LRP1B: variants seen among roughly 807,000 people sequenced by gnomAD.
LRP1B encodes the protein LDL receptor related protein 1B, also known as low-density lipoprotein receptor-related protein 1B.
Under a neutral mutation model 556.6 loss-of-function variants are expected in LRP1B, and 217 were observed. The observed-to-expected ratio is 0.39, with a 90% CI of 0.35 to 0.44. The LOEUF is 0.44. LRP1B is among the 20% of genes least tolerant of loss of function. The pLI is 1.00. For synonymous variants in LRP1B, 2,047 were observed against 1,865.8 expected, an observed-to-expected ratio of 1.10 and a Z score of -2.50; for missense variants, 5,053 against 5,620.8, an observed-to-expected ratio of 0.90 and a Z score of 3.23.
chr2:140,401,098 A>G (rs1684477875), intron 66 of LRP1B, among the ~76,000 whole-genome samples: 1 of 152,132 alleles, frequency 6.6e-6, no homozygotes, highest in Non-Finnish European at 1.5e-5. Flanking sequence ...GAATTTGGTA[A>G]TGTAACCTTG....
At chr2:141,974,971 ATTT>A (rs1050099577) in intron 1 of LRP1B, among the ~76,000 whole-genome samples, 2 of 151,846 alleles carry the variant, frequency 1.3e-5, no homozygotes, top group African/African-American at 4.8e-5. Context: ...TTGCACATCC[ATTT>A]TTTTATTTTA....
At chr2:141,826,354 G>GTTTTTTTT (rs70994454) in intron 1 of LRP1B, among the ~76,000 whole-genome samples, 2 of 97,086 alleles carry the variant, frequency 2.1e-5, no homozygotes, top group Admixed American at 1.4e-4. Flanking sequence ...CTTTTCAGAA[G>GTTTTTTTT]TTTTTTTTTT....
chr2:140,676,854 A>G (rs1488492691), intron 41 of LRP1B, among the ~76,000 whole-genome samples: 4 of 152,236 alleles, frequency 2.6e-5, no homozygotes, highest in Non-Finnish European at 5.9e-5. Flanking sequence ...ACAAATATTT[A>G]TTGTGTACCT....
At chr2:141,929,669 C>T (rs966279336) in intron 1 of LRP1B, among the ~76,000 whole-genome samples, 1 of 151,882 alleles carries the variant, frequency 6.6e-6, no homozygotes, top group Non-Finnish European at 1.5e-5. Flanking sequence ...ATGCTATAAA[C>T]TAAAAATTCC....
intron 1 of LRP1B, among the ~76,000 whole-genome samples, chr2:141,909,332 G>A (rs1461455619): frequency 6.6e-6 from 1 of 151,934 alleles, no homozygotes; most frequent in Non-Finnish European, 1.5e-5. Context: ...AGTAAACTTC[G>A]AGACCTAGAA....
chr2:140,425,571 T>C (rs370042610), intron 66 of LRP1B, among the ~76,000 whole-genome samples: 2 of 152,102 alleles, frequency 1.3e-5, no homozygotes, highest in South Asian at 4.1e-4. Context: ...CAACCACACC[T>C]GGCTAATTTT....
chr2:141,613,559 T>C (rs530859155), intron 2 of LRP1B, among the ~76,000 whole-genome samples: 76 of 152,288 alleles, frequency 5.0e-4, no homozygotes, highest in Middle Eastern at 3.4e-3. Flanking sequence ...TGTACTCTTA[T>C]TGAACACCTA....
chr2:140,950,310 C>G lies in LRP1B; in HGVS notation c.3061G>C (p.Gly1021Arg). 6.2e-7 allele frequency: 1 copy of G among 1,613,028 alleles called. No individual in the cohort carries two copies. Among genetic ancestry groups the G allele is most frequent in the South Asian group, 1.1e-5 (1 of 90,980 alleles). The change falls in exon 20 of 91, where the codon GGC (glycine) becomes CGC (arginine). Residue 1021 changes from glycine (G) to arginine (R), a missense_variant. This residue lies in a region of LRP1B where 3,619 missense variants were observed against 3,931.9 expected (regional missense o/e 0.92). Transcript: ENST00000389484. The part of the protein sequence containing the change: ...FRCSSGRCIP[G>R]HWACDGDNDC... The stretch of plus-strand genomic sequence containing the variant: ...TTGTCACCATCACAGGCCCAGTGGC[C>G]TGGGATGCATCTGCCACTGGAACAT...
intron 7 of LRP1B, among the ~76,000 whole-genome samples, chr2:141,136,095 A>G (rs1054522937): frequency 3.3e-5 from 5 of 151,970 alleles, no homozygotes; most frequent in Non-Finnish European, 7.4e-5. Context: ...AAATTCAATT[A>G]GAACATATTA....
intron 1 of LRP1B, among the ~76,000 whole-genome samples, chr2:142,011,040 T>C: frequency 6.6e-6 from 1 of 152,210 alleles, no homozygotes; most frequent in Non-Finnish European, 1.5e-5. Flanking sequence ...CTTTAACAAT[T>C]ACTTGATTGA....
intron 18 of LRP1B, among the ~76,000 whole-genome samples, 165 bp downstream of exon 18, chr2:140,981,995 T>A (rs1402724224): frequency 6.6e-6 from 1 of 152,210 alleles, no homozygotes; most frequent in Admixed American, 6.6e-5. Context: ...GAAGTTATCA[T>A]TAAAGCGCAC....
rs143086928 is a variant in LRP1B at position 140,420,161 on chromosome 2, A to G, written c.10414+22343T>C. 9.6e-4 allele frequency among the ~76,000 whole-genome samples: 146 copies of G among 151,570 alleles called. 1 individual carries two copies. Among genetic ancestry groups the G allele is most frequent in the Middle Eastern group, 3.4e-3 (1 of 294 alleles). Reference sequence around the variant, plus strand: ...TTATAGAAAGTAAAATTTATAGCAGAAAAAAAAACTTGGATGCAGATAAAA... The same window carrying G: ...TTATAGAAAGTAAAATTTATAGCAGGAAAAAAAACTTGGATGCAGATAAAA... On this transcript the variant is annotated intron_variant, in intron 66 of 90. Transcript: ENST00000389484.
chr2:141,422,396 T>C (rs1286107129), intron 3 of LRP1B, among the ~76,000 whole-genome samples: 1 of 152,186 alleles, frequency 6.6e-6, no homozygotes, highest in Non-Finnish European at 1.5e-5. Flanking sequence ...CTTCAAAATT[T>C]TTAAGAATGT....
At chr2:140,983,360 C>T (rs1200847701) in intron 17 of LRP1B, among the ~76,000 whole-genome samples, 1 of 152,064 alleles carries the variant, frequency 6.6e-6, no homozygotes, top group Non-Finnish European at 1.5e-5. Flanking sequence ...GTCGAAGTAT[C>T]AGTGGCTACA....
intron 3 of LRP1B, among the ~76,000 whole-genome samples, chr2:141,279,079 A>G (rs930596109): frequency 7.9e-5 from 12 of 152,170 alleles, no homozygotes; most frequent in African/African-American, 2.9e-4. Context: ...ATTCTCTCAT[A>G]CTTTATAACA....
intron 3 of LRP1B, among the ~76,000 whole-genome samples, chr2:141,375,089 G>T (rs1471750834): frequency 1.3e-5 from 2 of 152,090 alleles, no homozygotes; most frequent in Non-Finnish European, 2.9e-5. Flanking sequence ...TGTTGGCTTT[G>T]ATTTTGGGTG....
At chr2:141,185,611 G>T (rs1356055992) in intron 7 of LRP1B, among the ~76,000 whole-genome samples, 1 of 149,134 alleles carries the variant, frequency 6.7e-6, no homozygotes, top group East Asian at 2.0e-4. Flanking sequence ...ACTGGAGCTT[G>T]GCTCAAGTCA....
At chr2:141,092,363 T>C (rs777448625) in intron 7 of LRP1B, among the ~76,000 whole-genome samples, 3 of 152,190 alleles carry the variant, frequency 2.0e-5, no homozygotes, top group Non-Finnish European at 4.4e-5. Context: ...ATCATGACAA[T>C]GAGTTACTGT....
intron 6 of LRP1B, 106 bp downstream of exon 6, chr2:141,229,077 G>T: frequency 8.9e-7 from 1 of 1,125,112 alleles, no homozygotes; most frequent in Non-Finnish European, 1.3e-6. Context: ...TGCACATACA[G>T]CTTTCCAACA....
Sources: gnomAD v4.1 joint callset for allele counts (sites outside exome capture counted in the v4.1 genomes callset) on GRCh38, gnomAD v4.1.1 for gene constraint, gnomAD v4.1.1 regional missense constraint, MANE v1.5 for transcripts, NCBI Gene and HGNC (gene_info 2026-07-23, HGNC 2026-07-21) for gene names.